The following VPS13B variants were observed in gnomAD, a reference collection of about 807,000 sequenced individuals.
VPS13B encodes the protein vacuolar protein sorting 13 homolog B.
Under a neutral mutation model 426.4 loss-of-function variants are expected in VPS13B, and 285 were observed. The observed-to-expected ratio is 0.67, with a 90% confidence interval of 0.61 to 0.74. The LOEUF is 0.74. VPS13B is among the 30% of genes least tolerant of loss of function. The pLI is 0.00. For missense variants in VPS13B, 4,537 were observed against 4,782.6 expected, an observed-to-expected ratio of 0.95 and a Z score of 1.51; for synonymous variants, 1,676 against 1,676.4, an observed-to-expected ratio of 1.00 and a Z score of 0.01.
chr8:99,556,971 C>T (rs570142739), intron 31 of VPS13B, among the ~76,000 whole-genome samples: 15 of 151,732 alleles, frequency 9.9e-5, no homozygotes, highest in Admixed American at 4.0e-4. Context: ...TATTTGGGGT[C>T]AATTGTTTGA....
chr8:99,787,048 G>A (rs1401315585), intron 43 of VPS13B, among the ~76,000 whole-genome samples: 1 of 152,112 alleles, frequency 6.6e-6, no homozygotes, highest in Non-Finnish European at 1.5e-5. Flanking sequence ...TGCCCAGCAA[G>A]CTTTGTTTTA....
At chr8:99,295,701 A>G (rs1819996118) in intron 19 of VPS13B, among the ~76,000 whole-genome samples, 2 of 152,288 alleles carry the variant, frequency 1.3e-5, no homozygotes, top group South Asian at 2.1e-4. Context: ...AGCATACTGT[A>G]TATCGCTAGT....
At chr8:99,171,837 A>G in intron 16 of VPS13B, among the ~76,000 whole-genome samples, 1 of 152,142 alleles carries the variant, frequency 6.6e-6, no homozygotes, top group East Asian at 1.9e-4. Flanking sequence ...AGAAAACTTA[A>G]TAAATTGAGA....
At chr8:99,809,345 C>T (rs372592756) in intron 43 of VPS13B, 30 bp from the exon 44 acceptor site, 2 of 1,613,640 alleles carry the variant, frequency 1.2e-6, no homozygotes. Flanking sequence ...GCACGTTTGG[C>T]ATTATGACGA....
In VPS13B at chr8:99,156,819, ATGT is replaced by A. The variant is rs1811388123; in HGVS notation, c.2208+80_2208+82del. On this transcript the variant is annotated intron_variant, in intron 15 of 61. Transcript: ENST00000357162. ...CATCAGATAAGTTTCTTTTTTCTTG[ATGT>A]TGTAATTTCAGAGAAATAGTACTCT... 2.1e-6 allele frequency: 3 copies of A among 1,434,942 alleles called. No homozygotes were observed. The Admixed American group carries it at 5.2e-5, about 25-fold the overall frequency. 88.9% of individuals were successfully genotyped at this position (1,434,942 alleles called of 1,614,324 possible).
At chr8:99,526,137 A>G (rs973756715) in intron 30 of VPS13B, among the ~76,000 whole-genome samples, 5 of 152,204 alleles carry the variant, frequency 3.3e-5, no homozygotes, top group African/African-American at 1.2e-4. Flanking sequence ...AGCAGGGACT[A>G]GAGATATACA....
intron 19 of VPS13B, among the ~76,000 whole-genome samples, chr8:99,312,895 C>G (rs896821562): frequency 1.3e-5 from 2 of 152,176 alleles, no homozygotes; most frequent in Non-Finnish European, 2.9e-5. Context: ...GTAAACTTCT[C>G]TTCTCGCTTC....
At chr8:99,196,065 T>C (rs953433959) in intron 17 of VPS13B, among the ~76,000 whole-genome samples, 7 of 152,144 alleles carry the variant, frequency 4.6e-5, no homozygotes, top group African/African-American at 1.4e-4. Context: ...AATTTAAGGA[T>C]TTTTTTACTG....
rs140461863 is a variant in VPS13B at position 99,765,644 on chromosome 8, G to A, written c.7051-1130G>A. Among the ~76,000 whole-genome samples the A allele has an allele frequency of 4.9e-3, 745 of 152,346 alleles. 7 individuals are homozygous for A. The highest frequency in any genetic ancestry group is 0.017 in the African/African-American group (704 of 41,578). ...CGTGATGCAGAAGTGCCCCCAGGGG[G>A]ATGCTCTGCTTGCAGTAGACATTTG... On this transcript the variant is annotated intron_variant, in intron 39 of 61. Coordinates refer to ENST00000357162, the MANE Select transcript of VPS13B (RefSeq NM_152564.5).
At chr8:99,747,770 TATTAGGGAGA>T (rs1267968857) in intron 39 of VPS13B, among the ~76,000 whole-genome samples, 2 of 152,078 alleles carry the variant, frequency 1.3e-5, no homozygotes, top group African/African-American at 4.8e-5. Flanking sequence ...GAATTTGTTA[TATTAGGGAGA>T]TTTTGTTCTT....
At chr8:99,182,063 A>G (rs1030440880) in intron 16 of VPS13B, among the ~76,000 whole-genome samples, 1 of 152,214 alleles carries the variant, frequency 6.6e-6, no homozygotes, top group Non-Finnish European at 1.5e-5. Flanking sequence ...GCAGATTAAA[A>G]CCACGTTGAG....
At chr8:99,161,271 T>C (rs987048967) in intron 15 of VPS13B, among the ~76,000 whole-genome samples, 1 of 152,202 alleles carries the variant, frequency 6.6e-6, no homozygotes, top group Non-Finnish European at 1.5e-5. Flanking sequence ...ATTTGCTTTG[T>C]TTTTTCATGT....
intron 15 of VPS13B, among the ~76,000 whole-genome samples, chr8:99,169,292 T>C (rs1812190793): frequency 6.6e-6 from 1 of 152,082 alleles, no homozygotes; most frequent in South Asian, 2.1e-4. Context: ...TTACAAATAA[T>C]TGAAGCAGAA....
At chr8:99,199,064 G>C (rs894818404) in intron 17 of VPS13B, among the ~76,000 whole-genome samples, 5 of 152,114 alleles carry the variant, frequency 3.3e-5, no homozygotes, top group Non-Finnish European at 7.4e-5. Context: ...GTGATCCTTT[G>C]CTTTACAACT....
At chr8:99,548,511 A>C (rs1824107792) in intron 30 of VPS13B, among the ~76,000 whole-genome samples, 1 of 151,990 alleles carries the variant, frequency 6.6e-6, no homozygotes, top group Admixed American at 6.6e-5. Context: ...GTACCCCATA[A>C]ATTTATACAT....
intron 31 of VPS13B, among the ~76,000 whole-genome samples, chr8:99,558,036 T>C (rs907259455): frequency 6.6e-6 from 1 of 152,192 alleles, no homozygotes; most frequent in Non-Finnish European, 1.5e-5. Flanking sequence ...CTTCATTGTA[T>C]GCCTTTTGCA....
At chr8:99,167,308 T>C (rs76579276) in intron 15 of VPS13B, among the ~76,000 whole-genome samples, 3,295 of 152,238 alleles carry the variant, frequency 0.022, 129 homozygotes, top group African/African-American at 0.075. Flanking sequence ...TATTATTGCA[T>C]ACATACCAAC....
intron 23 of VPS13B, among the ~76,000 whole-genome samples, chr8:99,464,904 G>C (rs1022160832): frequency 6.6e-6 from 1 of 152,082 alleles, no homozygotes; most frequent in Non-Finnish European, 1.5e-5. Flanking sequence ...ATAATATAGA[G>C]GGGTAACAAA....
chr8:99,708,246 A>G (rs1379843112), intron 36 of VPS13B, among the ~76,000 whole-genome samples: 1 of 152,140 alleles, frequency 6.6e-6, no homozygotes, highest in Non-Finnish European at 1.5e-5. Flanking sequence ...AACTGTAAAA[A>G]CCGTGAGCAT....
Sources: gnomAD v4.1 joint callset for allele counts (sites outside exome capture counted in the v4.1 genomes callset) on GRCh38, gnomAD v4.1.1 for gene constraint, MANE v1.5 for transcripts, NCBI Gene and HGNC (gene_info 2026-07-23, HGNC 2026-07-21) for gene names.